The following PCNX2 variants were observed in gnomAD, a reference collection of about 807,000 sequenced individuals.
PCNX2 encodes the protein pecanex 2.
PCNX2 carries 168 observed loss-of-function variants against 223.8 expected under a neutral mutation model. That is an observed-to-expected ratio of 0.75 (90% CI 0.66 to 0.85). PCNX2 has a LOEUF of 0.85. Among genes scored for constraint, PCNX2 ranks in the 40% least tolerant of loss-of-function variants. The probability of loss-of-function intolerance (pLI) is 0.00; values close to 1 mark genes in which losing one functional copy is unlikely to be tolerated. For missense variants in PCNX2, 2,507 were observed against 2,675.5 expected, an observed-to-expected ratio of 0.94 and a Z score of 1.39; for synonymous variants, 1,006 against 1,052.6, an observed-to-expected ratio of 0.96 and a Z score of 0.86.
chr1:233,041,231 C>T (rs1671634037), intron 25 of PCNX2, among the ~76,000 whole-genome samples: 1 of 152,176 alleles, frequency 6.6e-6, no homozygotes, highest in Non-Finnish European at 1.5e-5. Flanking sequence ...TTAATCTTTA[C>T]AGATCTCTCT....
At chr1:233,177,632 G>T (rs1679554982) in intron 17 of PCNX2, among the ~76,000 whole-genome samples, 170 bp downstream of exon 17, 1 of 152,116 alleles carries the variant, frequency 6.6e-6, no homozygotes, top group Admixed American at 6.5e-5. Context: ...TTTCAAATAG[G>T]GCTGCACCTG....
At position 233,229,907 on chromosome 1, in the gene PCNX2, G is replaced by A. The variant is rs1421152207; in HGVS notation, c.2359-2536C>T. On this transcript the variant is annotated intron_variant, in intron 9 of 33. Transcript: ENST00000258229. ...TTATTTTTTTGCCTTAGATATCAAAGAAGCCCAGAGTTACATGTTTTGGTG... is the reference window on the plus strand; with the variant it reads ...TTATTTTTTTGCCTTAGATATCAAAAAAGCCCAGAGTTACATGTTTTGGTG... Among the ~76,000 whole-genome samples, 2 of 151,904 alleles carry A rather than the reference G, an allele frequency of 1.3e-5. 1 individual carries two copies. Among genetic ancestry groups the A allele is most frequent in the Admixed American group, 1.3e-4 (2 of 15,254 alleles).
intron 25 of PCNX2, among the ~76,000 whole-genome samples, chr1:233,037,670 G>A (rs780662931): frequency 6.6e-6 from 1 of 152,070 alleles, no homozygotes; most frequent in Admixed American, 6.6e-5. Context: ...AAGTGTATTG[G>A]CCCAGTATGC....
chr1:233,112,880 T>C, intron 21 of PCNX2: 1 of 1,289,168 alleles, frequency 7.8e-7, no homozygotes, highest in Non-Finnish European at 1.0e-6. Context: ...TACTAGCGTG[T>C]ATTTCAGCCC....
Position 233,263,101 on chromosome 1 carries a change from T to C in PCNX2, c.216A>G (p.Thr72=), listed in dbSNP as rs199628968. The C allele has an allele frequency of 6.8e-6, 11 of 1,613,328 alleles. No homozygotes were observed. The highest frequency in any genetic ancestry group is 6.7e-5 in the African/African-American group (5 of 75,026). ...FYCSAVTIFF[T]IIKLVSYRLH... is the part of the protein sequence containing the mutation. ...GGCGATAACTGACCAGTTTGATTAT[T>C]GTGAAGAATATAGTCACTGCACTGC... is the stretch of plus-strand genomic sequence containing the variant. Residue 72 remains threonine (T), a synonymous_variant, in exon 2 of 34, where the codon ACA becomes ACG. Transcript: ENST00000258229.
intron 28 of PCNX2, among the ~76,000 whole-genome samples, chr1:233,010,451 C>A (rs1670427297): frequency 6.6e-6 from 1 of 152,224 alleles, no homozygotes; most frequent in Admixed American, 6.5e-5. Context: ...TTTTCTTTTA[C>A]AAACAAACCT....
chr1:233,046,742 C>T (rs1258342128), intron 25 of PCNX2, among the ~76,000 whole-genome samples: 1 of 152,208 alleles, frequency 6.6e-6, no homozygotes, highest in Non-Finnish European at 1.5e-5. Flanking sequence ...GGGATGGCTA[C>T]ATCTGTCAGT....
At chr1:233,185,641 T>C (rs994778251) in intron 15 of PCNX2, among the ~76,000 whole-genome samples, 2 of 152,150 alleles carry the variant, frequency 1.3e-5, no homozygotes, top group East Asian at 1.9e-4. Context: ...TTGAAACACA[T>C]GTAGAGCAAC....
intron 1 of PCNX2, chr1:233,289,454 C>A: frequency 7.8e-7 from 1 of 1,282,898 alleles, no homozygotes; most frequent in Admixed American, 1.7e-5. Flanking sequence ...ACATGGCCTT[C>A]TCCTGGGAGA....
At chr1:233,025,464 AT>A in intron 25 of PCNX2, 65 bp from the exon 26 acceptor site, 1 of 1,578,598 alleles carries the variant, frequency 6.3e-7, no homozygotes, top group South Asian at 1.2e-5. Context: ...GCTTCAACGG[AT>A]TTCCCCATGC....
chr1:232,986,660 G>T (rs1669501116), intron 32 of PCNX2, 120 bp from the exon 33 acceptor site: 2 of 895,826 alleles, frequency 2.2e-6, no homozygotes, highest in African/African-American at 1.7e-5. Context: ...TGCACCACCT[G>T]CAAGGCTGGG....
intron 19 of PCNX2, among the ~76,000 whole-genome samples, chr1:233,144,191 A>G: frequency 6.6e-6 from 1 of 152,122 alleles, no homozygotes; most frequent in East Asian, 1.9e-4. Flanking sequence ...CAAAAACATG[A>G]AAAAAATACC....
chr1:233,169,885 A>C (rs1417179260), intron 17 of PCNX2, among the ~76,000 whole-genome samples: 1 of 151,996 alleles, frequency 6.6e-6, no homozygotes, highest in Non-Finnish European at 1.5e-5. Context: ...GAAAAAAAAA[A>C]ATGATTTCAC....
intron 32 of PCNX2, among the ~76,000 whole-genome samples, chr1:232,987,183 G>A (rs1005449083): frequency 1.1e-4 from 17 of 152,144 alleles, no homozygotes; most frequent in Admixed American, 3.9e-4. Context: ...CCACTGCCTC[G>A]CCCCTCAGGG....
At chr1:233,165,739 A>G (rs1462332040) in intron 17 of PCNX2, among the ~76,000 whole-genome samples, 1 of 152,220 alleles carries the variant, frequency 6.6e-6, no homozygotes, top group African/African-American at 2.4e-5. Flanking sequence ...ATGGGGAGAT[A>G]TACTGCATTC....
At chr1:233,125,306 T>A (rs897921085) in intron 21 of PCNX2, among the ~76,000 whole-genome samples, 4 of 152,242 alleles carry the variant, frequency 2.6e-5, no homozygotes, top group Non-Finnish European at 5.9e-5. Flanking sequence ...AATATTTTGT[T>A]ACATCTTCCT....
At chr1:233,314,445 A>T in the PCNX2 span, among the ~76,000 whole-genome samples, 1 of 152,308 alleles carries the variant, frequency 6.6e-6, no homozygotes, top group Admixed American at 6.5e-5. Flanking sequence ...GTATATAAAA[A>T]TAACTAAGAG....
chr1:233,303,609 A>T, the PCNX2 span, among the ~76,000 whole-genome samples: 1 of 151,908 alleles, frequency 6.6e-6, no homozygotes, highest in Non-Finnish European at 1.5e-5. Context: ...TTCTGAAGAA[A>T]TGAACCTTTT....
chr1:233,028,803 T>A (rs1323984637), intron 25 of PCNX2, among the ~76,000 whole-genome samples: 1 of 152,040 alleles, frequency 6.6e-6, no homozygotes. Flanking sequence ...TTTGTTTTTA[T>A]TTATCCAACT....
Sources: allele counts gnomAD v4.1 joint callset (sites outside exome capture counted in the v4.1 genomes callset), GRCh38; gene constraint gnomAD v4.1.1; transcripts MANE v1.5; gene names NCBI Gene and HGNC (gene_info 2026-07-23, HGNC 2026-07-21).